Variants in AGBL4 observed in about 807,000 individuals in gnomAD.
AGBL4 encodes AGBL carboxypeptidase 4, also known as cytosolic carboxypeptidase 6.
Under a neutral mutation model 66.4 loss-of-function variants are expected in AGBL4, and 58 were observed. The ratio of observed to expected loss-of-function variants is 0.87; its 90% CI spans 0.71 to 1.09. The LOEUF (loss-of-function observed/expected upper bound fraction) is 1.09. Ranked by LOEUF, AGBL4 falls within the 50% of genes least tolerant of loss-of-function variation. AGBL4 has a pLI of 0.00. For synonymous variants in AGBL4, 234 were observed against 222.9 expected (o/e 1.05, Z -0.44); for missense variants, 579 against 631.0 (o/e 0.92, Z 0.88).
intron 2 of AGBL4, among the ~76,000 whole-genome samples, chr1:49,751,536 A>G (rs951981499): frequency 3.9e-5 from 6 of 152,008 alleles, no homozygotes; most frequent in Non-Finnish European, 8.8e-5. Context: ...ATTGGTCTGA[A>G]ATTTTCTTTT....
intron 9 of AGBL4, among the ~76,000 whole-genome samples, chr1:48,614,002 A>G (rs1269569448): frequency 6.6e-6 from 1 of 152,228 alleles, no homozygotes; most frequent in African/African-American, 2.4e-5. Context: ...TACATAAGAA[A>G]TAATTAGAGA....
intron 6 of AGBL4, among the ~76,000 whole-genome samples, chr1:48,862,057 C>G (rs1647523551): frequency 6.6e-6 from 1 of 152,196 alleles, no homozygotes; most frequent in African/African-American, 2.4e-5. Flanking sequence ...GAAGCTCCAA[C>G]AAGGAACTCC....
intron 5 of AGBL4, among the ~76,000 whole-genome samples, chr1:49,011,503 C>A (rs1662407411): frequency 6.6e-6 from 1 of 152,166 alleles, no homozygotes; most frequent in Non-Finnish European, 1.5e-5. Context: ...ACTAGAAATA[C>A]CATTTAACCC....
At chr1:48,677,802 C>T (rs943770967) in intron 6 of AGBL4, among the ~76,000 whole-genome samples, 1 of 152,220 alleles carries the variant, frequency 6.6e-6, no homozygotes, top group Non-Finnish European at 1.5e-5. Context: ...ACACAGGGAC[C>T]ACAGTCAGGG....
chr1:49,258,819 C>A (rs1407493868), intron 3 of AGBL4, among the ~76,000 whole-genome samples: 1 of 152,102 alleles, frequency 6.6e-6, no homozygotes, highest in African/African-American at 2.4e-5. Context: ...CACAAAGATA[C>A]TCCTTGAGAA....
rs537229564 is a variant in AGBL4 at position 49,223,630 on chromosome 1, A to C, written c.377+22140T>G. Among the ~76,000 whole-genome samples the C allele has an allele frequency of 1.6e-4, 25 of 152,302 alleles. 1 individual carries two copies. Among genetic ancestry groups the C allele is most frequent in the Middle Eastern group, 6.8e-3 (2 of 294 alleles). On this transcript the variant is annotated intron_variant, in intron 4 of 13. Transcript: ENST00000371839. ...ATTTCAAACTGACAGCAGACTGTTA[A>C]GTTGGGTATGCGACCCTTCTAAATG...
intron 6 of AGBL4, among the ~76,000 whole-genome samples, chr1:48,722,408 G>A (rs992034608): frequency 6.6e-6 from 1 of 152,194 alleles, no homozygotes; most frequent in African/African-American, 2.4e-5. Context: ...GGCTGGAACT[G>A]GGGTCGAGTG....
At chr1:49,937,848 G>C (rs1449821835) in intron 1 of AGBL4, among the ~76,000 whole-genome samples, 1 of 152,180 alleles carries the variant, frequency 6.6e-6, no homozygotes, top group South Asian at 2.1e-4. Context: ...GCAGTGTGTA[G>C]AGGGATTATA....
intron 6 of AGBL4, among the ~76,000 whole-genome samples, chr1:48,820,216 G>C (rs1204723916): frequency 2.0e-5 from 3 of 152,078 alleles, no homozygotes; most frequent in Non-Finnish European, 4.4e-5. Context: ...TGGGCCCTGG[G>C]ACTTCCTTAG....
intron 7 of AGBL4, among the ~76,000 whole-genome samples, chr1:48,657,236 TTAAG>T (rs1420962631): frequency 2.6e-5 from 4 of 152,152 alleles, no homozygotes; most frequent in African/African-American, 9.7e-5. Context: ...TTGTGAGGAT[TTAAG>T]TGAGTTGATA....
intron 3 of AGBL4, among the ~76,000 whole-genome samples, chr1:49,461,531 A>G (rs1195868940): frequency 6.7e-6 from 1 of 150,056 alleles, no homozygotes. Context: ...TCTGGGGTAC[A>G]TGTGCACCAC....
chr1:49,340,256 A>G lies in AGBL4; in HGVS notation c.283-94392T>C, dbSNP rs149328208. 1.1e-3 allele frequency among the ~76,000 whole-genome samples: 170 copies of G among 151,428 alleles called. 1 individual carries two copies. Among genetic ancestry groups the G allele is most frequent in the Admixed American group, 3.5e-3 (53 of 15,190 alleles). ...AAAAGAGTGGAAGAGAACTAGACCA[A>G]TCCCCACCTTGCCTGGCCTAAATCT... On this transcript the variant is annotated intron_variant, in intron 3 of 13. Transcript: ENST00000371839.
At chr1:49,309,896 A>AT (rs1261789515) in intron 3 of AGBL4, among the ~76,000 whole-genome samples, 2 of 152,094 alleles carry the variant, frequency 1.3e-5, no homozygotes, top group South Asian at 2.1e-4. Flanking sequence ...ATCAACTTAA[A>AT]TGTTATTTTT....
intron 9 of AGBL4, among the ~76,000 whole-genome samples, chr1:48,593,830 C>T (rs1644954758): frequency 6.6e-6 from 1 of 152,144 alleles, no homozygotes; most frequent in African/African-American, 2.4e-5. Context: ...ATTTGCATTT[C>T]TGATTTATAT....
chr1:49,514,993 T>C (rs1230559885), intron 3 of AGBL4, among the ~76,000 whole-genome samples: 4 of 151,994 alleles, frequency 2.6e-5, no homozygotes, highest in Non-Finnish European at 5.9e-5. Flanking sequence ...ACTTCATGTC[T>C]AAAACACCAA....
At chr1:48,627,946 T>G (rs1645532522) in intron 9 of AGBL4, among the ~76,000 whole-genome samples, 1 of 152,214 alleles carries the variant, frequency 6.6e-6, no homozygotes, top group Admixed American at 6.5e-5. Context: ...ACCTCGGCTA[T>G]GGCAGTAAGC....
In AGBL4 at chr1:48,736,151, G is replaced by C. The variant is rs1557922449; in HGVS notation, c.635-72910C>G. 2 of 1,437,260 alleles carry C rather than the reference G, an allele frequency of 1.4e-6. No homozygotes were observed. Among genetic ancestry groups the C allele is most frequent in the Non-Finnish European group, 1.9e-6 (2 of 1,026,402 alleles). 89.0% of individuals were successfully genotyped at this position (1,437,260 alleles called of 1,614,324 possible). ...GGTCTGGCATGCAGAAGCTTCATAAGTAATCGTTGAATTGAATTGTGCCTA... is the reference window on the plus strand; with the variant it reads ...GGTCTGGCATGCAGAAGCTTCATAACTAATCGTTGAATTGAATTGTGCCTA... On this transcript the variant is annotated intron_variant, in intron 6 of 13. Transcript: ENST00000371839. The surrounding 1 kb of genome is among the most constrained non-coding windows in gnomAD (Gnocchi z 4.0).
Position 49,573,582 on chromosome 1 carries a change from G to A in AGBL4, c.282+123731C>T, listed in dbSNP as rs542309292. On this transcript the variant is annotated intron_variant, in intron 3 of 13. Transcript: ENST00000371839. The stretch of plus-strand genomic sequence containing the variant: ...TAATGAAAGAAAATAATGAACCCAG[G>A]GATTCTGTCTCCCAGCTTCAGAAAC... 1.9e-3 allele frequency among the ~76,000 whole-genome samples: 282 copies of A among 152,148 alleles called. 2 individuals are homozygous for A. Among genetic ancestry groups the A allele is most frequent in the African/African-American group, 6.4e-3 (267 of 41,504 alleles).
intron 2 of AGBL4, among the ~76,000 whole-genome samples, chr1:49,698,442 A>G (rs1427835738): frequency 4.6e-5 from 7 of 152,116 alleles, no homozygotes; most frequent in East Asian, 1.9e-4. Flanking sequence ...GAACTAAACT[A>G]TTTGATCCTC....
Sources: gnomAD v4.1 joint callset for allele counts (sites outside exome capture counted in the v4.1 genomes callset) on GRCh38, gnomAD v4.1.1 for gene constraint, Gnocchi (gnomAD v3.1) non-coding constraint, MANE v1.5 for transcripts, NCBI Gene and HGNC (gene_info 2026-07-23, HGNC 2026-07-21) for gene names.